RPL32: variants seen among roughly 807,000 people sequenced by gnomAD.
RPL32 encodes the protein large ribosomal subunit protein eL32.
For missense variants in RPL32, 117 were observed against 173.7 expected (o/e 0.67, Z 1.83); for synonymous variants, 61 against 62.6 (o/e 0.98, Z 0.12).
intron 3 of RPL32, among the ~76,000 whole-genome samples, chr3:12,837,854 TTTCA>T (rs1417963123): frequency 6.6e-6 from 1 of 152,256 alleles, no homozygotes; most frequent in African/African-American, 2.4e-5. Context: ...CATGAGAATT[TTTCA>T]TTCCACTGCC....
At chr3:12,839,738 T>C (rs550020802) in intron 2 of RPL32, among the ~76,000 whole-genome samples, 63 of 152,262 alleles carry the variant, frequency 4.1e-4, no homozygotes, top group African/African-American at 8.7e-4. Flanking sequence ...ACCCCCACCA[T>C]TGCCACTCCC....
intron 3 of RPL32, among the ~76,000 whole-genome samples, chr3:12,838,362 T>C (rs1282301384): frequency 1.3e-5 from 2 of 152,130 alleles, no homozygotes; most frequent in African/African-American, 2.4e-5. Context: ...GCCGAAGTCA[T>C]GCCACTGCAC....
intron 2 of RPL32, 38 bp from the exon 3 acceptor site, chr3:12,839,568 C>T: frequency 6.3e-7 from 1 of 1,595,880 alleles, no homozygotes; most frequent in South Asian, 1.1e-5. Flanking sequence ...AGCGTCTGTG[C>T]AGAGTGCGAA....
intron 3 of RPL32, among the ~76,000 whole-genome samples, chr3:12,838,632 T>C (rs1276453217): frequency 6.6e-6 from 1 of 151,864 alleles, no homozygotes; most frequent in East Asian, 1.9e-4. Context: ...CTTCTCCCGC[T>C]TGTAAGCCAA....
intron 2 of RPL32, 57 bp from the exon 3 acceptor site, chr3:12,839,587 T>A (rs1256303741): frequency 3.9e-6 from 6 of 1,544,658 alleles, no homozygotes; most frequent in Non-Finnish European, 5.4e-6. Context: ...AACTCTTCCT[T>A]TTGGGGAGGG....
At chr3:12,836,938 G>C (rs1356280335) in intron 3 of RPL32, among the ~76,000 whole-genome samples, 2 of 152,374 alleles carry the variant, frequency 1.3e-5, no homozygotes, top group South Asian at 2.1e-4. Flanking sequence ...CAGCAGGACT[G>C]TGAGGAGTGA....
intron 1 of RPL32, 167 bp from the exon 2 acceptor site, chr3:12,840,409 G>A (rs1489122576): frequency 1.4e-6 from 1 of 740,546 alleles, no homozygotes; most frequent in African/African-American, 1.7e-5. Context: ...TTCCGAAGCT[G>A]GCAGAATACT....
chr3:12,838,543 G>A (rs1010911646), intron 3 of RPL32, among the ~76,000 whole-genome samples: 1 of 152,034 alleles, frequency 6.6e-6, no homozygotes, highest in Non-Finnish European at 1.5e-5. Context: ...AAACTTTCCA[G>A]AGCCCTCCTG....
chr3:12,838,803 C>T (rs575293339), intron 3 of RPL32, among the ~76,000 whole-genome samples: 8 of 152,214 alleles, frequency 5.3e-5, no homozygotes, highest in East Asian at 1.9e-4. Flanking sequence ...CTCGAAGTGC[C>T]GCCTTTCTGG....
chr3:12,840,089 G>A, intron 2 of RPL32, 53 bp downstream of exon 2: 1 of 1,394,340 alleles, frequency 7.2e-7, no homozygotes, highest in African/African-American at 1.4e-5. Flanking sequence ...GTCAGAAACT[G>A]TTGGAAACTC....
chr3:12,838,443 G>A (rs1419021710), intron 3 of RPL32, among the ~76,000 whole-genome samples: 1 of 152,116 alleles, frequency 6.6e-6, no homozygotes, highest in South Asian at 2.1e-4. Context: ...TGGAACCAAT[G>A]CCCTGCAAAC....
chr3:12,836,810 C>A (rs939077127), intron 3 of RPL32, among the ~76,000 whole-genome samples: 2 of 152,192 alleles, frequency 1.3e-5, no homozygotes, highest in African/African-American at 4.8e-5. Context: ...CACTGTGCCC[C>A]ATTTGATAAC....
Position 12,834,725 on chromosome 3 carries a change from T to C in RPL32, c.*1369A>G, listed in dbSNP as rs954823883. 4 of 152,230 alleles carry C rather than the reference T, an allele frequency of 2.6e-5. No homozygotes were observed. The highest frequency in any genetic ancestry group is 4.8e-5 in the African/African-American group (2 of 41,446). The allele number at this position is 152,230 out of a possible 1,614,324, so 9.4% of individuals were successfully genotyped here. On this transcript the variant is annotated 3_prime_UTR_variant, in exon 4 of 4. Transcript: ENST00000429711. ...TTCAAATGTGTCTAGTGTTCAGTAT[T>C]GAGGACAAAGAAATACAAGTGGCAG...
chr3:12,838,673 C>T (rs1014724422), intron 3 of RPL32, among the ~76,000 whole-genome samples: 1 of 139,130 alleles, frequency 7.2e-6, no homozygotes, highest in Non-Finnish European at 1.5e-5. Context: ...CAGCAACCAT[C>T]TGAATGCACT....
intron 3 of RPL32, among the ~76,000 whole-genome samples, chr3:12,837,666 C>T (rs1192624245): frequency 6.6e-6 from 1 of 152,224 alleles, no homozygotes; most frequent in Non-Finnish European, 1.5e-5. Flanking sequence ...GAATACTGGT[C>T]TTGTTCATTT....
chr3:12,840,288 A>C (rs778071856), intron 1 of RPL32, 46 bp from the exon 2 acceptor site: 5 of 1,366,100 alleles, frequency 3.7e-6, no homozygotes, highest in Non-Finnish European at 5.2e-6. Flanking sequence ...TCCTGGAAGG[A>C]GGCTTTCCTG....
chr3:12,836,328 T>A, intron 3 of RPL32, 105 bp from the exon 4 acceptor site: 1 of 1,401,824 alleles, frequency 7.1e-7, no homozygotes, highest in Non-Finnish European at 9.8e-7. Flanking sequence ...AGAGGGCTGC[T>A]TGGTAAGTGG....
At chr3:12,836,886 ACAGACATTCCAC>A (rs2062104488) in intron 3 of RPL32, among the ~76,000 whole-genome samples, 1 of 152,196 alleles carries the variant, frequency 6.6e-6, no homozygotes, top group Non-Finnish European at 1.5e-5. Context: ...GTGGTTAAGA[ACAGACATTCCAC>A]CCCTAAAGCA....
chr3:12,840,569 C>A (rs148260818), intron 1 of RPL32: 1 of 495,390 alleles, frequency 2.0e-6, no homozygotes, highest in Non-Finnish European at 4.0e-6. Context: ...AGTGTCCGAA[C>A]CCCCAGATGG....
Sources: allele counts gnomAD v4.1 joint callset (sites outside exome capture counted in the v4.1 genomes callset), GRCh38; gene constraint gnomAD v4.1.1; transcripts MANE v1.5; gene names NCBI Gene and HGNC (gene_info 2026-07-23, HGNC 2026-07-21).